The following ADGRB3 variants were observed in gnomAD, a reference collection of about 807,000 sequenced individuals.
ADGRB3 encodes adhesion G protein-coupled receptor B3.
Under a neutral mutation model 193.4 loss-of-function variants are expected in ADGRB3, and 37 were observed. That is an observed-to-expected ratio of 0.19 (90% CI 0.15 to 0.25). The LOEUF is 0.25. Ranked by LOEUF, ADGRB3 falls within the 10% of genes least tolerant of loss-of-function variation. The pLI, the probability that ADGRB3 is intolerant of heterozygous loss-of-function variation, is 1.00. For synonymous variants in ADGRB3, 690 were observed against 644.2 expected (o/e 1.07, Z -1.08); for missense variants, 1,637 against 1,852.9 (o/e 0.88, Z 2.14).
chr6:68,647,241 TTTTA>T (rs1409229646), intron 3 of ADGRB3, among the ~76,000 whole-genome samples: 1 of 152,170 alleles, frequency 6.6e-6, no homozygotes, highest in African/African-American at 2.4e-5. Context: ...TGAAGTAGAA[TTTTA>T]TTTAAGTATT....
chr6:69,301,535 A>C (rs927227001), intron 20 of ADGRB3, among the ~76,000 whole-genome samples: 1 of 152,060 alleles, frequency 6.6e-6, no homozygotes, highest in East Asian at 1.9e-4. Flanking sequence ...CATATTTTTC[A>C]TCATGTTTAG....
At chr6:68,694,926 G>T (rs1478465876) in intron 3 of ADGRB3, among the ~76,000 whole-genome samples, 1 of 151,958 alleles carries the variant, frequency 6.6e-6, no homozygotes, top group Non-Finnish European at 1.5e-5. Context: ...AGAAATCAAA[G>T]TCAGCAATAC....
At chr6:69,269,487 T>C (rs2127278261) in intron 20 of ADGRB3, among the ~76,000 whole-genome samples, 1 of 152,324 alleles carries the variant, frequency 6.6e-6, no homozygotes, top group South Asian at 2.1e-4. Flanking sequence ...CAAAATTAGT[T>C]ATACTTCAAG....
chr6:69,260,084 C>A (rs1380493182), intron 20 of ADGRB3, among the ~76,000 whole-genome samples: 5 of 152,192 alleles, frequency 3.3e-5, no homozygotes, highest in Non-Finnish European at 2.9e-5. Flanking sequence ...GTGATTTGTG[C>A]TCAGTTATAG....
chr6:69,252,736 T>C (rs1217849217), intron 20 of ADGRB3, among the ~76,000 whole-genome samples: 3 of 152,104 alleles, frequency 2.0e-5, no homozygotes, highest in African/African-American at 4.8e-5. Context: ...ATTTTTCCTA[T>C]AGCTAGTGTT....
At chr6:69,322,517 A>ACTT (rs1043782982) in intron 20 of ADGRB3, among the ~76,000 whole-genome samples, 40 of 151,796 alleles carry the variant, frequency 2.6e-4, no homozygotes, top group Middle Eastern at 3.4e-3. Context: ...AGCATTTGTC[A>ACTT]CTTTTTGGCT....
At chr6:69,132,584 A>G (rs1161117974) in intron 17 of ADGRB3, among the ~76,000 whole-genome samples, 1 of 151,908 alleles carries the variant, frequency 6.6e-6, no homozygotes, top group Non-Finnish European at 1.5e-5. Flanking sequence ...CTGCCTGTCC[A>G]CTCTAATGAT....
chr6:68,814,297 C>G (rs1210295861), intron 3 of ADGRB3, among the ~76,000 whole-genome samples: 1 of 152,212 alleles, frequency 6.6e-6, no homozygotes, highest in Non-Finnish European at 1.5e-5. Flanking sequence ...TTGCATTTCT[C>G]TGATGGCCAG....
At chr6:68,858,607 A>AC (rs1223477566) in intron 3 of ADGRB3, among the ~76,000 whole-genome samples, 52 of 151,894 alleles carry the variant, frequency 3.4e-4, no homozygotes, top group African/African-American at 1.2e-3. Flanking sequence ...AAAAAAAAAA[A>AC]AAAACACAGC....
intron 17 of ADGRB3, among the ~76,000 whole-genome samples, chr6:69,138,199 G>A (rs1774211240): frequency 1.3e-5 from 2 of 152,172 alleles, no homozygotes; most frequent in Non-Finnish European, 2.9e-5. Context: ...AAAAAATTTT[G>A]GAGACTAGCT....
chr6:68,650,078 A>C, intron 3 of ADGRB3, among the ~76,000 whole-genome samples: 1 of 152,206 alleles, frequency 6.6e-6, no homozygotes, highest in South Asian at 2.1e-4. Context: ...CAAGGTGTAT[A>C]GTTGAGTTAG....
At chr6:69,275,235 A>G (rs1350757193) in intron 20 of ADGRB3, among the ~76,000 whole-genome samples, 2 of 152,170 alleles carry the variant, frequency 1.3e-5, no homozygotes, top group Non-Finnish European at 2.9e-5. Context: ...TCAATTACTT[A>G]TTTAAAATTC....
At chr6:69,268,790 G>T (rs1440697190) in intron 20 of ADGRB3, among the ~76,000 whole-genome samples, 7 of 152,054 alleles carry the variant, frequency 4.6e-5, no homozygotes, top group Admixed American at 6.6e-5. Context: ...TACTTTCCCT[G>T]TGTTGCCCAC....
chr6:69,200,751 A>G (rs1765402469), intron 17 of ADGRB3, among the ~76,000 whole-genome samples: 1 of 151,160 alleles, frequency 6.6e-6, no homozygotes, highest in Non-Finnish European at 1.5e-5. Flanking sequence ...AAAACAAACC[A>G]GAAATCTACA....
At chr6:69,331,975 T>G (rs1175306403) in intron 23 of ADGRB3, 11 of 985,196 alleles carry the variant, frequency 1.1e-5, no homozygotes, top group Non-Finnish European at 1.3e-5. Context: ...TGCATCTTCC[T>G]TACGTTAGCA....
intron 17 of ADGRB3, among the ~76,000 whole-genome samples, chr6:69,230,647 G>A (rs939245731): frequency 1.3e-4 from 20 of 152,166 alleles, no homozygotes; most frequent in African/African-American, 4.8e-4. Context: ...TGATTTAAAA[G>A]TACCAAGAGG....
chr6:69,178,761 A>C (rs1292835960), intron 17 of ADGRB3, among the ~76,000 whole-genome samples: 1 of 152,222 alleles, frequency 6.6e-6, no homozygotes, highest in Non-Finnish European at 1.5e-5. Context: ...TTATTTAAGA[A>C]TACTGAAAAT....
intron 3 of ADGRB3, among the ~76,000 whole-genome samples, chr6:68,780,138 G>A (rs1238582561): frequency 6.6e-6 from 1 of 152,004 alleles, no homozygotes; most frequent in Admixed American, 6.6e-5. Flanking sequence ...CATACTCCGA[G>A]TGGAATCCCC....
intron 3 of ADGRB3, among the ~76,000 whole-genome samples, chr6:68,868,951 G>GTGTGTGCGTGTGTT (rs781022363): frequency 4.0e-4 from 60 of 150,502 alleles, no homozygotes; most frequent in African/African-American, 1.4e-3. Flanking sequence ...GAGTGTGTGT[G>GTGTGTGCGTGTGTT]TTTAAACTTA....
Sources: gnomAD v4.1 joint callset for allele counts (sites outside exome capture counted in the v4.1 genomes callset) on GRCh38, gnomAD v4.1.1 for gene constraint, MANE v1.5 for transcripts, NCBI Gene and HGNC (gene_info 2026-07-23, HGNC 2026-07-21) for gene names.